Variants in KCNMA1 observed in about 807,000 individuals in gnomAD.
KCNMA1 encodes Calcium-activated potassium channel subunit alpha-1.
A neutral mutation model predicts 140.0 loss-of-function variants in KCNMA1; 29 were observed. That is an observed-to-expected ratio of 0.21 (90% CI 0.15 to 0.28). KCNMA1 has a LOEUF of 0.28. Among genes scored for constraint, KCNMA1 ranks in the 10% least tolerant of loss-of-function variants. KCNMA1 has a pLI of 1.00. For missense variants in KCNMA1, 880 were observed against 1,602.2 expected, an observed-to-expected ratio of 0.55 and a Z score of 7.70; for synonymous variants, 612 against 611.9, an observed-to-expected ratio of 1.00 and a Z score of 0.00.
chr10:77,236,155 T>C (rs2055368512), intron 3 of KCNMA1, among the ~76,000 whole-genome samples: 1 of 152,178 alleles, frequency 6.6e-6, no homozygotes, highest in African/African-American at 2.4e-5. Context: ...CCGGGCGAAC[T>C]TTCTCGATTG....
chr10:77,576,901 T>TGTTA (rs1469392551), intron 1 of KCNMA1, among the ~76,000 whole-genome samples: 1 of 152,202 alleles, frequency 6.6e-6, no homozygotes, highest in East Asian at 1.9e-4. Flanking sequence ...ATGCACCATG[T>TGTTA]GTTAGGCACT....
intron 2 of KCNMA1, among the ~76,000 whole-genome samples, chr10:77,357,658 A>C (rs1223653281): frequency 6.6e-6 from 1 of 152,256 alleles, no homozygotes; most frequent in Non-Finnish European, 1.5e-5. Context: ...CATGAGACGC[A>C]ATAATTTAAA....
Position 76,949,381 on chromosome 10 carries a change from A to G in KCNMA1, c.2485-15T>C, listed in dbSNP as rs1343760640. 1.2e-6 allele frequency: 2 copies of G among 1,602,696 alleles called. No individual in the cohort carries two copies. Among genetic ancestry groups the G allele is most frequent in the African/African-American group, 2.7e-5 (2 of 74,828 alleles). Reference sequence around the variant, plus strand: ...TCACTTCGAGTCTACAACAGGGAGAAGTGGGTAAGAGTCAGAGAGAAGACT... The same window carrying G: ...TCACTTCGAGTCTACAACAGGGAGAGGTGGGTAAGAGTCAGAGAGAAGACT... On this transcript the variant is annotated splice_polypyrimidine_tract_variant and intron_variant, in intron 21 of 27. Transcript: ENST00000286628.
chr10:77,556,965 A>C (rs998258480), intron 1 of KCNMA1, among the ~76,000 whole-genome samples: 171 of 152,330 alleles, frequency 1.1e-3, no homozygotes, highest in African/African-American at 4.0e-3. Flanking sequence ...GCAATAGAGC[A>C]TGTATTATAT....
intron 1 of KCNMA1, among the ~76,000 whole-genome samples, chr10:77,604,574 G>T (rs1251280399): frequency 6.6e-6 from 1 of 151,758 alleles, no homozygotes; most frequent in African/African-American, 2.4e-5. Context: ...AAAAAAATTA[G>T]CTGGGCATGG....
At chr10:76,871,458 A>G (rs1453470446) in exon 28 of KCNMA1, 1 of 152,254 alleles carries the variant, frequency 6.6e-6, no homozygotes, top group Non-Finnish European at 1.5e-5. Context: ...ATCTTCTACA[A>G]CTATTACGAT....
At chr10:77,027,710 C>T in intron 16 of KCNMA1, 113 bp downstream of exon 16, 1 of 886,722 alleles carries the variant, frequency 1.1e-6, no homozygotes, top group Non-Finnish European at 1.9e-6. Flanking sequence ...GGTTTTACAT[C>T]TGGTTCCATG....
chr10:77,001,493 C>T lies in KCNMA1; in HGVS notation c.2180G>A (p.Arg727His), dbSNP rs77395356. 1.9e-5 allele frequency: 29 copies of T among 1,551,810 alleles called. No individual in the cohort carries two copies. The highest frequency in any genetic ancestry group is 1.5e-4 in the East Asian group (6 of 40,934). ...SERDCSCMSGRVRGNVDTLER... is the reference protein window; with the variant it reads ...SERDCSCMSGHVRGNVDTLER... ...AAGGGTGTCCACGTTACCACGCACACGGCCTGACATGCATGAGCAGTCACG... is the reference window on the plus strand; with the variant it reads ...AAGGGTGTCCACGTTACCACGCACATGGCCTGACATGCATGAGCAGTCACG... Residue 727 changes from arginine to histidine, a missense_variant, in exon 19 of 28, where the codon CGT (arginine) becomes CAT (histidine). By Grantham distance (29) the Arg-to-His change is conservative (BLOSUM62 0). Around this residue, in one of 13 missense-constraint regions of KCNMA1, gnomAD observed 196 missense variants for 233.0 expected, o/e 0.84. Coordinates refer to ENST00000286628, the MANE Select transcript of KCNMA1 (RefSeq NM_001161352.2).
At chr10:76,940,998 A>AAAGGAAGGAAGGAAGG (rs752766663) in intron 23 of KCNMA1, among the ~76,000 whole-genome samples, 1,926 of 62,618 alleles carry the variant, frequency 0.031, 147 homozygotes, top group East Asian at 0.1. Context: ...AGAGAGAAAG[A>AAAGGAAGGAAGGAAGG]AAGGAAGGAA....
At chr10:77,255,783 C>CT (rs2060600931) in intron 2 of KCNMA1, among the ~76,000 whole-genome samples, 1 of 151,790 alleles carries the variant, frequency 6.6e-6, no homozygotes, top group South Asian at 2.1e-4. Flanking sequence ...CATGGTGGCG[C>CT]TCACCTGTAT....
At chr10:77,199,784 A>T (rs1214482763) in intron 3 of KCNMA1, among the ~76,000 whole-genome samples, 1 of 152,144 alleles carries the variant, frequency 6.6e-6, no homozygotes, top group African/African-American at 2.4e-5. Context: ...AACACAGTGC[A>T]TTCTGGGAGT....
chr10:77,442,198 A>T (rs1416829855), intron 1 of KCNMA1, among the ~76,000 whole-genome samples: 1 of 152,056 alleles, frequency 6.6e-6, no homozygotes, highest in East Asian at 1.9e-4. Flanking sequence ...ACCCACATTC[A>T]GCCTTCACTC....
At chr10:77,371,796 C>T (rs191803904) in intron 2 of KCNMA1, among the ~76,000 whole-genome samples, 1 of 152,330 alleles carries the variant, frequency 6.6e-6, no homozygotes, top group Admixed American at 6.5e-5. Flanking sequence ...CCTGGGAACC[C>T]TGGAAAATCT....
chr10:77,316,486 C>T (rs1049251956), intron 2 of KCNMA1, among the ~76,000 whole-genome samples: 5 of 152,222 alleles, frequency 3.3e-5, no homozygotes, highest in Non-Finnish European at 7.3e-5. Flanking sequence ...GCACGGGACT[C>T]TCCTGGAGGG....
At chr10:77,521,603 A>G (rs1019754088) in intron 1 of KCNMA1, among the ~76,000 whole-genome samples, 2 of 152,248 alleles carry the variant, frequency 1.3e-5, no homozygotes, top group African/African-American at 4.8e-5. Context: ...ACAAGTAAAA[A>G]GAAGTGAGGC....
chr10:77,088,688 C>A (rs2096749331), intron 10 of KCNMA1, among the ~76,000 whole-genome samples: 1 of 152,144 alleles, frequency 6.6e-6, no homozygotes, highest in African/African-American at 2.4e-5. Flanking sequence ...CTTGGCCTCC[C>A]AAAGTGCTGG....
intron 1 of KCNMA1, among the ~76,000 whole-genome samples, chr10:77,568,364 C>A (rs1224211067): frequency 3.9e-5 from 6 of 152,182 alleles, no homozygotes; most frequent in Non-Finnish European, 1.5e-5. Flanking sequence ...AATCCAGCAG[C>A]ACATCAAAAA....
intron 2 of KCNMA1, among the ~76,000 whole-genome samples, chr10:77,380,237 A>G (rs1364772427): frequency 6.6e-6 from 1 of 152,226 alleles, no homozygotes; most frequent in African/African-American, 2.4e-5. Context: ...ATCAATATAA[A>G]GAACATTCTT....
At chr10:76,928,086 A>G (rs995160987) in intron 23 of KCNMA1, among the ~76,000 whole-genome samples, 1 of 152,152 alleles carries the variant, frequency 6.6e-6, no homozygotes, top group African/African-American at 2.4e-5. Context: ...CCTGTTTACA[A>G]AAGGGAGTTG....
Sources: gnomAD v4.1 joint callset for allele counts (sites outside exome capture counted in the v4.1 genomes callset) on GRCh38, gnomAD v4.1.1 for gene constraint, gnomAD v4.1.1 regional missense constraint, MANE v1.5 for transcripts, NCBI Gene and HGNC (gene_info 2026-07-23, HGNC 2026-07-21) for gene names.